The following TRIM5 variants were observed in gnomAD, a reference collection of about 807,000 sequenced individuals.
TRIM5 encodes tripartite motif containing 5.
In TRIM5, 31 loss-of-function variants were observed where a neutral mutation model predicts 35.6. That is an observed-to-expected ratio of 0.87 (90% confidence interval 0.65 to 1.18). The LOEUF is 1.18. TRIM5 is among the 50% of genes most tolerant of loss of function. TRIM5 has a pLI of 0.00. For synonymous variants in TRIM5, 243 were observed against 215.6 expected (o/e 1.13, Z -1.11); for missense variants, 609 against 591.6 (o/e 1.03, Z -0.31).
At chr11:5,638,376 C>T in the TRIM5 span, among the ~76,000 whole-genome samples, 1 of 152,178 alleles carries the variant, frequency 6.6e-6, no homozygotes, top group Non-Finnish European at 1.5e-5. Context: ...AAAGTAATAC[C>T]TCTCTGGCCA....
the TRIM5 span, among the ~76,000 whole-genome samples, chr11:5,654,846 G>A: frequency 1.3e-5 from 2 of 152,084 alleles, no homozygotes; most frequent in Non-Finnish European, 2.9e-5. Context: ...CACAAAAATA[G>A]CAGAATTTCA....
the TRIM5 span, among the ~76,000 whole-genome samples, chr11:5,622,242 G>C: frequency 1.3e-5 from 2 of 152,084 alleles, no homozygotes; most frequent in Non-Finnish European, 2.9e-5. Context: ...TCAAGAGTTT[G>C]AGACCATCCT....
At chr11:5,683,030 C>G (rs1441197308) in intron 1 of TRIM5, among the ~76,000 whole-genome samples, 1 of 152,124 alleles carries the variant, frequency 6.6e-6, no homozygotes, top group Non-Finnish European at 1.5e-5. Context: ...TTGGTGGGCC[C>G]CGCACTCGGA....
chr11:5,606,262 G>A, the TRIM5 span, among the ~76,000 whole-genome samples: 11 of 152,276 alleles, frequency 7.2e-5, no homozygotes, highest in Admixed American at 5.9e-4. Flanking sequence ...ACTGGTTTTG[G>A]GGGTCTGGGC....
chr11:5,650,814 T>C, the TRIM5 span, among the ~76,000 whole-genome samples: 1,776 of 152,258 alleles, frequency 0.012, 20 homozygotes, highest in African/African-American at 0.035. Context: ...CAAGGCTCAA[T>C]AGAAAGCCAA....
At chr11:5,610,638 C>T in the TRIM5 span, 1 of 1,579,942 alleles carries the variant, frequency 6.3e-7, no homozygotes, top group South Asian at 1.2e-5. Context: ...CATAGCCACA[C>T]AGATCCTAGG....
the TRIM5 span, among the ~76,000 whole-genome samples, chr11:5,594,907 C>T: frequency 1.1e-3 from 166 of 152,200 alleles, no homozygotes; most frequent in African/African-American, 3.8e-3. Flanking sequence ...TGACCTGAAG[C>T]GTCATCCAGG....
At chr11:5,605,208 C>A in the TRIM5 span, 4 of 1,235,152 alleles carry the variant, frequency 3.2e-6, no homozygotes, top group Non-Finnish European at 4.7e-6. Context: ...TCTCCTGCAG[C>A]ATTTACCCTC....
chr11:5,666,865 ATAT>A (rs1239004317), intron 5 of TRIM5, among the ~76,000 whole-genome samples: 1 of 152,232 alleles, frequency 6.6e-6, no homozygotes, highest in African/African-American at 2.4e-5. Context: ...TTATTTTGAA[ATAT>A]TATTCCGGAA....
chr11:5,680,087 C>G lies in TRIM5; in HGVS notation c.91G>C (p.Gly31Arg), dbSNP rs59896509. 1.1e-5 allele frequency: 18 copies of G among 1,614,028 alleles called. No homozygotes were observed. The highest frequency in any genetic ancestry group is 1.5e-5 in the Non-Finnish European group (18 of 1,180,020). ...AGGCATGCTTGGCAGAAGCTGTGGC[C>G]GCAGTCCAGGCTCAGGGGTTGTGTC... is the stretch of plus-strand genomic sequence containing the variant. ...LLTQPLSLDC[G>R]HSFCQACLTA... Residue 31 changes from glycine (G) to arginine (R), a missense_variant, in exon 2 of 8, where the codon GGC (glycine) becomes CGC (arginine). Transcript: ENST00000380034.
chr11:5,646,330 G>A, the TRIM5 span, among the ~76,000 whole-genome samples: 4 of 152,144 alleles, frequency 2.6e-5, no homozygotes, highest in African/African-American at 9.7e-5. Context: ...AACAGAGAAA[G>A]AGGAGGGGAC....
At chr11:5,643,786 AT>A in the TRIM5 span, 1 of 1,499,020 alleles carries the variant, frequency 6.7e-7, no homozygotes, top group Non-Finnish European at 8.9e-7. Context: ...CATTCACACC[AT>A]TGCTTCCTTG....
At chr11:5,666,228 C>A (rs1851126827) in intron 5 of TRIM5, 147 bp from the exon 6 acceptor site, 2 of 722,926 alleles carry the variant, frequency 2.8e-6, no homozygotes, top group African/African-American at 1.8e-5. Context: ...ACTCTTGACC[C>A]TGGAGGCAAA....
chr11:5,655,406 A>T, the TRIM5 span, among the ~76,000 whole-genome samples: 1 of 152,172 alleles, frequency 6.6e-6, no homozygotes, highest in Non-Finnish European at 1.5e-5. Context: ...AGCAAACTTC[A>T]CTCAACCAAG....
downstream of TRIM5, among the ~76,000 whole-genome samples, chr11:5,662,505 A>T (rs752819871): frequency 2.0e-5 from 3 of 152,196 alleles, no homozygotes; most frequent in Non-Finnish European, 2.9e-5. Context: ...CATTGTTGAG[A>T]AATGCCACAT....
At chr11:5,657,609 T>A in the TRIM5 span, among the ~76,000 whole-genome samples, 1 of 105,800 alleles carries the variant, frequency 9.5e-6, no homozygotes, top group African/African-American at 3.5e-5. Context: ...AATATATATT[T>A]ATATATTATA....
chr11:5,664,979 C>A lies in TRIM5; in HGVS notation c.1312G>T (p.Val438Phe). Residue 438 changes from valine to phenylalanine, a missense_variant, in exon 8 of 8, where the codon GTT (valine) becomes TTT (phenylalanine). Transcript: ENST00000380034. ...GCCTCATAGTCTAGGAAAACTCCAA[C>A]ACGATCAGGACAAATAATCACAGAG... ...PLSVIICPDR[V>F]GVFLDYEACT... 1 of 1,614,072 alleles carries A rather than the reference C, an allele frequency of 6.2e-7. No homozygotes were observed. The highest frequency in any genetic ancestry group is 8.5e-7 in the Non-Finnish European group (1 of 1,180,012).
the TRIM5 span, among the ~76,000 whole-genome samples, chr11:5,657,514 AT>A: frequency 1.4e-4 from 19 of 137,674 alleles, no homozygotes; most frequent in African/African-American, 4.3e-4. Flanking sequence ...TATATTATAT[AT>A]AATGCATTAT....
rs753758034 is a variant in TRIM5, at chr11:5,666,102, A to AC, written c.768-22_768-21insG. 1.6e-5 allele frequency: 25 copies of AC among 1,580,990 alleles called. No individual in the cohort carries two copies. In the East Asian group the frequency reaches 5.4e-4, roughly 34 times the overall value. ...CCGTCCTAAGAATTAAAAAAAAAAA[A>AC]AAAAACTTCCAAACCTTTGACCTTG... is the stretch of plus-strand genomic sequence containing the variant. On this transcript the variant is annotated intron_variant, in intron 5 of 7. Transcript: ENST00000380034.
Sources: allele counts gnomAD v4.1 joint callset (sites outside exome capture counted in the v4.1 genomes callset), GRCh38; gene constraint gnomAD v4.1.1; transcripts MANE v1.5; gene names NCBI Gene and HGNC (gene_info 2026-07-23, HGNC 2026-07-21).